The following CECR2 variants were observed in gnomAD, a reference collection of about 807,000 sequenced individuals.
The protein encoded by CECR2 is chromatin remodeling regulator CECR2.
Under a neutral mutation model 154.5 loss-of-function variants are expected in CECR2, and 30 were observed. The ratio of observed to expected loss-of-function variants is 0.19; its 90% CI spans 0.15 to 0.26. The LOEUF is 0.26. Among genes scored for constraint, CECR2 ranks in the 10% least tolerant of loss-of-function variants. The pLI, the probability that CECR2 is intolerant of heterozygous loss-of-function variation, is 1.00. For synonymous variants in CECR2, 725 were observed against 683.7 expected, an observed-to-expected ratio of 1.06 and a Z score of -0.94; for missense variants, 1,743 against 1,829.3, an observed-to-expected ratio of 0.95 and a Z score of 0.86.
chr22:17,537,027 C>G, intron 9 of CECR2, 76 bp from the exon 10 acceptor site: 1 of 1,537,574 alleles, frequency 6.5e-7, no homozygotes, highest in South Asian at 1.2e-5. Flanking sequence ...TCTTCCTTCT[C>G]TCACAGTGAT....
rs534554563 is a variant in CECR2 at position 17,452,392 on chromosome 22, T to C, written c.127-25196T>C. On this transcript the variant is annotated intron_variant, in intron 1 of 18. Coordinates refer to ENST00000262608, the MANE Select transcript of CECR2 (RefSeq NM_001290047.2). ...CCAGGCTGAATTTTATTCTGAGTAG[T>C]GGCAGTCTTTTTTAAAAGGATCCCT... Among the ~76,000 whole-genome samples the C allele has an allele frequency of 2.6e-5, 4 of 152,276 alleles. No individual in the cohort carries two copies. In the East Asian group the frequency reaches 7.7e-4, roughly 29 times the overall value.
rs1174432100 is a variant in CECR2 at position 17,369,812 on chromosome 22, G to A, written c.29G>A (p.Gly10Glu). Residue 10 changes from glycine to glutamate, a missense_variant, in exon 1 of 19, where the codon GGG becomes GAG. Coordinates refer to ENST00000262608, the MANE Select transcript of CECR2 (RefSeq NM_001290047.2). MCPEEGGAA[G>E]LGELRSWWEV... The stretch of plus-strand genomic sequence containing the variant: ...TGCCCAGAGGAGGGCGGCGCGGCCG[G>A]GCTGGGCGAGCTCCGCTCCTGGTGG... 43 of 151,034 alleles carry A rather than the reference G, an allele frequency of 2.8e-4. No individual in the cohort carries two copies. The highest frequency in any genetic ancestry group is 9.9e-4 in the Admixed American group (15 of 15,192). The allele number at this position is 151,034 out of a possible 1,614,324, so 9.4% of individuals were successfully genotyped here.
intron 4 of CECR2, among the ~76,000 whole-genome samples, chr22:17,500,303 CAT>C (rs1226177624): frequency 6.6e-6 from 1 of 151,434 alleles, no homozygotes; most frequent in African/African-American, 2.4e-5. Flanking sequence ...ATGCCTGAAA[CAT>C]AAGCTTTACT....
At chr22:17,476,971 C>T in intron 1 of CECR2, 1 of 554,998 alleles carries the variant, frequency 1.8e-6, no homozygotes, top group Non-Finnish European at 3.3e-6. Context: ...AAAGCAAAGA[C>T]ATTCACAGAG....
chr22:17,456,107 C>T lies in CECR2; in HGVS notation c.127-21481C>T, dbSNP rs192862728. ...GTGATGCATGGTAGAATCAAAACCT[C>T]ACCCCTACATGTTTAGTCAATTATT... is the stretch of plus-strand genomic sequence containing the variant. On this transcript the variant is annotated intron_variant, in intron 1 of 18. Coordinates refer to ENST00000262608, the MANE Select transcript of CECR2 (RefSeq NM_001290047.2). 4.6e-5 allele frequency among the ~76,000 whole-genome samples: 7 copies of T among 151,922 alleles called. No homozygotes were observed. In the East Asian group the frequency reaches 1.4e-3, roughly 29 times the overall value.
chr22:17,463,393 CAGAG>C (rs963004409), intron 1 of CECR2, among the ~76,000 whole-genome samples: 5 of 152,212 alleles, frequency 3.3e-5, no homozygotes, highest in East Asian at 1.9e-4. Flanking sequence ...GAGGAGCAGA[CAGAG>C]AGAAGCAGGG....
upstream of CECR2, among the ~76,000 whole-genome samples, chr22:17,368,365 T>C (rs1458588729): frequency 6.6e-6 from 1 of 152,186 alleles, no homozygotes; most frequent in Non-Finnish European, 1.5e-5. Context: ...GAGCAGTGTT[T>C]CCTATCTGAA....
At position 17,542,646 on chromosome 22, in the gene CECR2, C is replaced by T. The variant is rs550266263; in HGVS notation, c.2503C>T (p.Pro835Ser). ...ATCAGGCTTCCTACCTCATGGAGTT[C>T]CTTCCTCAGGGTACATGCGACCGCC... ...EQSGFLPHGV[P>S]SSGYMRPPCK... is the part of the protein sequence containing the mutation. Residue 835 changes from proline (P) to serine (S), a missense_variant, in exon 16 of 19, where the codon CCT becomes TCT. Pro to Ser is a moderately conservative substitution (Grantham distance 74). Transcript: ENST00000262608. 5.6e-6 allele frequency: 9 copies of T among 1,613,932 alleles called. No individual in the cohort carries two copies. The highest frequency in any genetic ancestry group is 7.6e-6 in the Non-Finnish European group (9 of 1,179,914).
rs1569127727 is a variant in CECR2, at chr22:17,504,872, T to C, written c.726T>C (p.Thr242=). The C allele has an allele frequency of 6.2e-7, 1 of 1,613,898 alleles. No individual in the cohort carries two copies. The change falls in exon 7 of 19, where the codon ACT becomes ACC. Residue 242 remains threonine (T), a synonymous_variant. Transcript: ENST00000262608. ...RHGSQGPGQG[T]WWLLCQTEEE... is the part of the protein sequence containing the mutation. ...GGTCCCAAGGGCCAGGCCAAGGTAC[T>C]TGGTGGCTCCTGTGCCAGACAGAAG... is the stretch of plus-strand genomic sequence containing the variant.
upstream of CECR2, among the ~76,000 whole-genome samples, chr22:17,368,908 C>CG (rs1191900135): frequency 6.6e-6 from 1 of 152,090 alleles, no homozygotes; most frequent in Admixed American, 6.5e-5. Flanking sequence ...CTTCTTCCCT[C>CG]GGAGAAAAAA....
rs1333383765 is a variant in CECR2, at chr22:17,548,830, A to G, written c.3543A>G (p.Gly1181=). The change falls in exon 17 of 19, where the codon GGA becomes GGG. Residue 1181 remains glycine, a synonymous_variant. Transcript: ENST00000262608. The part of the protein sequence containing the change: ...GGFPRYRPPQ[G]MRYSYHPPPQ... ...TTCCCCGGTATCGCCCCCCACAAGG[A>G]ATGAGGTATTCCTACCACCCACCGC... 6.2e-7 allele frequency: 1 copy of G among 1,613,472 alleles called. No individual in the cohort carries two copies. The highest frequency in any genetic ancestry group is 8.5e-7 in the Non-Finnish European group (1 of 1,179,776).
intron 1 of CECR2, among the ~76,000 whole-genome samples, chr22:17,455,458 A>G (rs1391365586): frequency 6.6e-6 from 1 of 152,168 alleles, no homozygotes; most frequent in Non-Finnish European, 1.5e-5. Flanking sequence ...GGATTTACAC[A>G]TATTGATCGT....
At chr22:17,550,358 T>C (rs2056689721) in intron 17 of CECR2, 1 of 156,750 alleles carries the variant, frequency 6.4e-6, no homozygotes, top group Non-Finnish European at 1.4e-5. Context: ...GTTTGAGAGC[T>C]GTAAGCAAGC....
chr22:17,503,242 T>TTTAC, intron 6 of CECR2, 111 bp downstream of exon 6: 1 of 926,462 alleles, frequency 1.1e-6, no homozygotes, highest in Non-Finnish European at 1.7e-6. Flanking sequence ...TGCAATAGCC[T>TTTAC]TTTACCTACC....
chr22:17,507,653 A>G (rs2055871461), intron 7 of CECR2, among the ~76,000 whole-genome samples: 1 of 152,230 alleles, frequency 6.6e-6, no homozygotes, highest in Non-Finnish European at 1.5e-5. Context: ...TAAAAATTTC[A>G]AGCATTGATT....
intron 1 of CECR2, among the ~76,000 whole-genome samples, chr22:17,413,964 A>C (rs1425180116): frequency 1.5e-5 from 2 of 134,702 alleles, no homozygotes; most frequent in African/African-American, 5.7e-5. Context: ...GGCGTGAACC[A>C]CCGCGCCCGG....
chr22:17,531,127 G>GA (rs1457795680), intron 9 of CECR2, among the ~76,000 whole-genome samples: 3 of 152,150 alleles, frequency 2.0e-5, no homozygotes, highest in Non-Finnish European at 4.4e-5. Flanking sequence ...GTCCAGCCTT[G>GA]AAAACCAAAA....
At chr22:17,500,370 T>A (rs953544662) in intron 4 of CECR2, among the ~76,000 whole-genome samples, 94 of 152,292 alleles carry the variant, frequency 6.2e-4, no homozygotes, top group African/African-American at 2.1e-3. Flanking sequence ...TAACCTCTTA[T>A]TTAGGCTTTC....
intron 8 of CECR2, among the ~76,000 whole-genome samples, chr22:17,518,212 A>C (rs147225737): frequency 7.2e-5 from 11 of 152,296 alleles, no homozygotes; most frequent in African/African-American, 2.6e-4. Context: ...GCGTTTACAT[A>C]AATTAAGTGA....
Sources: gnomAD v4.1 joint callset for allele counts (sites outside exome capture counted in the v4.1 genomes callset) on GRCh38, gnomAD v4.1.1 for gene constraint, MANE v1.5 for transcripts, NCBI Gene and HGNC (gene_info 2026-07-23, HGNC 2026-07-21) for gene names.